VEGFD: variants seen among roughly 807,000 people sequenced by gnomAD.
The protein encoded by VEGFD is c-fos induced growth factor (vascular endothelial growth factor D).
A neutral mutation model predicts 28.0 loss-of-function variants in VEGFD; 26 were observed. The observed-to-expected ratio is 0.93, with a 90% CI of 0.68 to 1.29. The LOEUF (loss-of-function observed/expected upper bound fraction) is 1.29. VEGFD is among the 50% of genes most tolerant of loss of function. VEGFD has a pLI of 0.00. For missense variants in VEGFD, 294 were observed against 273.4 expected, an observed-to-expected ratio of 1.08 and a Z score of -0.53; for synonymous variants, 93 against 95.5, an observed-to-expected ratio of 0.97 and a Z score of 0.15.
At chrX:15,365,034 T>C (rs1393096917) in intron 1 of VEGFD, among the ~76,000 whole-genome samples, 1 of 112,638 alleles carries the variant, frequency 8.9e-6, no homozygotes, top group African/African-American at 3.2e-5. Flanking sequence ...AAATTACTTA[T>C]GTATTTTTAC....
At position 15,353,161 on chromosome X, in the gene VEGFD, G is replaced by A. The variant is rs777589322; in HGVS notation, c.649C>T (p.His217Tyr). The A allele has an allele frequency of 2.7e-6, 3 of 1,118,944 alleles. No individual in the cohort carries two copies. Among genetic ancestry groups the A allele is most frequent in the African/African-American group, 1.8e-5 (1 of 55,135 alleles). The allele number at this position is 1,118,944 out of a possible 1,213,427, so 92.2% of individuals were successfully genotyped here. Reference protein sequence around the residue: ...IQIPEEDRCSHSKKLCPIDML... With the variant: ...IQIPEEDRCSYSKKLCPIDML... ...TCAATAGGACAGAGTTTCTTGGAAT[G>A]GGAACAGCTAGGAAAAGAAAACAAT... The change falls in exon 5 of 7, where the codon CAT (histidine) becomes TAT (tyrosine). Residue 217 changes from histidine (H) to tyrosine (Y), a missense_variant. Transcript: ENST00000297904.
At chrX:15,353,009 T>C in intron 5 of VEGFD, 59 bp downstream of exon 5, 1 of 625,510 alleles carries the variant, frequency 1.6e-6, no homozygotes, top group African/African-American at 2.2e-5. Flanking sequence ...CAATAACGGT[T>C]GCTGCTATTG....
chrX:15,375,578 AT>A (rs1319303127), intron 1 of VEGFD, among the ~76,000 whole-genome samples: 4 of 111,948 alleles, frequency 3.6e-5, no homozygotes, highest in Non-Finnish European at 7.5e-5. Flanking sequence ...TCATGCTACC[AT>A]TGGTGGTTCT....
At chrX:15,346,913 GAGCGAGACTCCGTCTAAAAAAAAAA>G (rs1162386804) in intron 6 of VEGFD, among the ~76,000 whole-genome samples, 2 of 110,208 alleles carry the variant, frequency 1.8e-5, no homozygotes, top group Non-Finnish European at 1.9e-5. Context: ...CCTGGAGACA[GAGCGAGACTCCGTCTAAAAAAAAAA>G]AGCTCTACAC....
At chrX:15,380,946 C>T (rs1453506717) in intron 1 of VEGFD, among the ~76,000 whole-genome samples, 1 of 112,373 alleles carries the variant, frequency 8.9e-6, no homozygotes, top group Non-Finnish European at 1.9e-5. Context: ...AAATAAATTC[C>T]ACATCTAGGC....
At chrX:15,378,824 A>G (rs772018756) in intron 1 of VEGFD, among the ~76,000 whole-genome samples, 290 of 111,360 alleles carry the variant, frequency 2.6e-3, no homozygotes, top group African/African-American at 9.0e-3. Context: ...TGATGCAGGA[A>G]AATTACATAA....
chrX:15,369,203 T>C (rs1923248198), intron 1 of VEGFD, among the ~76,000 whole-genome samples: 1 of 111,463 alleles, frequency 9.0e-6, no homozygotes, highest in South Asian at 3.8e-4. Context: ...TGTCCCACGT[T>C]GTGAGGAAGT....
intron 5 of VEGFD, among the ~76,000 whole-genome samples, chrX:15,350,861 T>TCTTTCTC (rs2147735582): frequency 2.3e-5 from 1 of 44,079 alleles, no homozygotes; most frequent in South Asian, 1.5e-3. Flanking sequence ...CTCTCTTTCT[T>TCTTTCTC]TCTTTCTTTC....
intron 6 of VEGFD, 51 bp from the exon 7 acceptor site, chrX:15,346,310 A>C (rs1177781658): frequency 8.6e-7 from 1 of 1,163,191 alleles, no homozygotes; most frequent in East Asian, 3.0e-5. Context: ...GACTGGATTC[A>C]AAAGAATAAC....
intron 1 of VEGFD, among the ~76,000 whole-genome samples, chrX:15,366,891 C>T (rs1239966041): frequency 8.9e-6 from 1 of 112,508 alleles, no homozygotes; most frequent in Non-Finnish European, 1.9e-5. Context: ...TGATTGTCAT[C>T]TGCAGATGTT....
chrX:15,377,886 G>A (rs1602232186), intron 1 of VEGFD, among the ~76,000 whole-genome samples: 1 of 111,763 alleles, frequency 8.9e-6, no homozygotes, highest in African/African-American at 3.3e-5. Context: ...TGGTCATGTG[G>A]TATAAGCAAT....
chrX:15,373,221 A>G (rs1342940323), intron 1 of VEGFD, among the ~76,000 whole-genome samples: 1 of 112,261 alleles, frequency 8.9e-6, no homozygotes, highest in Non-Finnish European at 1.9e-5. Flanking sequence ...GTTTGGGAGT[A>G]CCTAGCCGGT....
rs1485375236 is a variant in VEGFD, at chrX:15,351,270, T to C, written c.742+1798A>G. Among the ~76,000 whole-genome samples the C allele has an allele frequency of 9.7e-5, 10 of 102,836 alleles. No individual in the cohort carries two copies. The East Asian group carries it at 1.5e-3, about 16-fold the overall frequency. 89.3% of individuals were successfully genotyped at this position (102,836 alleles called of 115,157 possible). ...AGCTGGGACTACAGGCGCCCGCCAC[T>C]ACGCCCGGCTAATTTTTTTTTTGTA... On this transcript the variant is annotated intron_variant, in intron 5 of 6. Coordinates refer to ENST00000297904, the MANE Select transcript of VEGFD (RefSeq NM_004469.5).
At chrX:15,376,610 C>T (rs770359340) in intron 1 of VEGFD, among the ~76,000 whole-genome samples, 2 of 111,637 alleles carry the variant, frequency 1.8e-5, no homozygotes, top group Non-Finnish European at 3.8e-5. Flanking sequence ...GCCCAGAATA[C>T]CCTCTTTCAC....
At chrX:15,380,313 T>C (rs968377411) in intron 1 of VEGFD, among the ~76,000 whole-genome samples, 14 of 112,443 alleles carry the variant, frequency 1.2e-4, no homozygotes, top group African/African-American at 4.5e-4. Flanking sequence ...TGATTCACTG[T>C]AGAGACAATT....
At chrX:15,353,204 T>A in intron 4 of VEGFD, 36 bp from the exon 5 acceptor site, 1 of 813,788 alleles carries the variant, frequency 1.2e-6, no homozygotes. Context: ...ATTTAAAAGC[T>A]TTCAAGGATA....
chrX:15,377,764 G>A (rs115027338), intron 1 of VEGFD, among the ~76,000 whole-genome samples: 1,164 of 111,202 alleles, frequency 0.01, 12 homozygotes, highest in African/African-American at 0.035. Flanking sequence ...TAAGTGCCAG[G>A]GTGAGGCGCT....
rs759882886 is a variant in VEGFD at position 15,353,191 on chromosome X, C to T, written c.642-23G>A. On this transcript the variant is annotated intron_variant, in intron 4 of 6. Transcript: ENST00000297904. ...CAGCTAGGAAAAGAAAACAATGAAC[C>T]AGATTTAAAAGCTTTCAAGGATAAT... is the stretch of plus-strand genomic sequence containing the variant. 41 of 933,714 alleles carry T rather than the reference C, an allele frequency of 4.4e-5. No homozygotes were observed. The South Asian group carries it at 7.2e-4, about 16-fold the overall frequency. 76.9% of individuals were successfully genotyped at this position (933,714 alleles called of 1,213,427 possible). A position where few individuals can be genotyped will look rare whatever the true frequency, so the allele number is the denominator to read the frequency against.
chrX:15,372,188 T>G (rs2146986521), intron 1 of VEGFD, among the ~76,000 whole-genome samples: 1 of 111,916 alleles, frequency 8.9e-6, no homozygotes, highest in East Asian at 2.8e-4. Context: ...TGCAGAAACT[T>G]GCACATTGGA....
Sources: allele counts gnomAD v4.1 joint callset (sites outside exome capture counted in the v4.1 genomes callset), GRCh38; gene constraint gnomAD v4.1.1; transcripts MANE v1.5; gene names NCBI Gene and HGNC (gene_info 2026-07-23, HGNC 2026-07-21).